The following AIRE variants were observed in gnomAD, a reference collection of about 807,000 sequenced individuals.
AIRE encodes autoimmune regulator.
Under a neutral mutation model 62.1 loss-of-function variants are expected in AIRE, and 52 were observed. The observed-to-expected ratio is 0.84, with a 90% CI of 0.67 to 1.06. The LOEUF (loss-of-function observed/expected upper bound fraction) is 1.06. Among genes scored for constraint, AIRE ranks in the 50% least tolerant of loss-of-function variants. The pLI is 0.00. For synonymous variants in AIRE, 342 were observed against 321.6 expected (o/e 1.06, Z -0.68); for missense variants, 774 against 755.8 (o/e 1.02, Z -0.28).
chr21:44,292,337 C>T lies in AIRE; in HGVS notation c.1031C>T (p.Thr344Ile), dbSNP rs929430876. 9 of 1,577,850 alleles carry T rather than the reference C, an allele frequency of 5.7e-6. No homozygotes were observed. In the Admixed American group the frequency reaches 1.3e-4, roughly 22 times the overall value. Residue 344 changes from threonine (T) to isoleucine (I), a missense_variant, in exon 9 of 14, where the codon ACA (threonine) becomes ATA (isoleucine). Thr to Ile is a moderately conservative substitution (Grantham distance 89, BLOSUM62 -1). Around this residue, in one of 3 missense-constraint regions of AIRE, gnomAD observed 354 missense variants for 296.1 expected, o/e 1.20. Coordinates refer to ENST00000291582, the MANE Select transcript of AIRE (RefSeq NM_000383.4). The part of the protein sequence containing the change: ...TWRCSSCLQA[T>I]VQEVQPRAEE... ...AGGTGCTCCAGCTGCCTGCAGGCAA[C>T]AGTCCAGGAGGTGCAGCCCCGGGCA...
Position 44,297,888 on chromosome 21 carries a change from A to G in AIRE, c.*161A>G. ...CTCTGTGTTTCTGGGGACACCAGCCATCATGTGCCTGGAAATTAAACCCTG... is the reference window on the plus strand; with the variant it reads ...CTCTGTGTTTCTGGGGACACCAGCCGTCATGTGCCTGGAAATTAAACCCTG... On this transcript the variant is annotated 3_prime_UTR_variant, in exon 14 of 14. Transcript: ENST00000291582. The surrounding 1 kb of genome is among the most constrained non-coding windows in gnomAD (Gnocchi z 4.8). 1.4e-6 allele frequency: 1 copy of G among 706,634 alleles called. No homozygotes were observed. Among genetic ancestry groups the G allele is most frequent in the Non-Finnish European group, 2.5e-6 (1 of 403,038 alleles). 43.8% of individuals were successfully genotyped at this position (706,634 alleles called of 1,614,324 possible). A position where few individuals can be genotyped will look rare whatever the true frequency, so the allele number is the denominator to read the frequency against.
rs945152425 is a variant in AIRE, at chr21:44,287,854, C to T, written c.538+263C>T. ...CTCAGGCACCTTCTCTGCCCGTCCA[C>T]TCCCTATCCTTCAGGACCAGCCTAG... On this transcript the variant is annotated intron_variant, in intron 4 of 13. Coordinates refer to ENST00000291582, the MANE Select transcript of AIRE (RefSeq NM_000383.4). This position sits in a 1 kb window ranked among gnomAD's most constrained non-coding sequence, Gnocchi z 4.3. Among the ~76,000 whole-genome samples, 19 of 152,160 alleles carry T rather than the reference C, an allele frequency of 1.2e-4. No homozygotes were observed. Among genetic ancestry groups the T allele is most frequent in the African/African-American group, 1.2e-4 (5 of 41,436 alleles).
chr21:44,292,887 G>A, intron 9 of AIRE, 106 bp from the exon 10 acceptor site: 1 of 1,036,020 alleles, frequency 9.7e-7, no homozygotes, highest in Non-Finnish European at 1.5e-6. Flanking sequence ...CCAGGCCTCT[G>A]CCCCCACCCT....
rs2040492026 is a variant in AIRE, at chr21:44,287,257, TG to T, written c.463+129del. The T allele has an allele frequency of 8.2e-7, 1 of 1,225,942 alleles. No homozygotes were observed. Among genetic ancestry groups the T allele is most frequent in the Non-Finnish European group, 1.1e-6 (1 of 870,938 alleles). 75.9% of individuals were successfully genotyped at this position (1,225,942 alleles called of 1,614,324 possible). On this transcript the variant is annotated intron_variant, in intron 3 of 13. Coordinates refer to ENST00000291582, the MANE Select transcript of AIRE (RefSeq NM_000383.4). This position sits in a 1 kb window ranked among gnomAD's most constrained non-coding sequence, Gnocchi z 4.3. ...TGTGGGGCCAGCCTGCCTGGGGCTG[TG>T]GGGGTCTCCTCTGGGTACTAGACCC... is the stretch of plus-strand genomic sequence containing the variant.
At chr21:44,292,486 C>T (rs899664088) in intron 9 of AIRE, 85 bp downstream of exon 9, 1 of 917,410 alleles carries the variant, frequency 1.1e-6, no homozygotes, top group African/African-American at 1.6e-5. Context: ...CCCCTCCTGT[C>T]CGTCTGTCCC....
chr21:44,287,345 A>C lies in AIRE; in HGVS notation c.464-172A>C, dbSNP rs888920898. 1.2e-4 allele frequency: 84 copies of C among 723,998 alleles called. No homozygotes were observed. Among genetic ancestry groups the C allele is most frequent in the Non-Finnish European group, 1.8e-4 (79 of 431,338 alleles). The allele number at this position is 723,998 out of a possible 1,614,324, so 44.8% of individuals were successfully genotyped here. On this transcript the variant is annotated intron_variant, in intron 3 of 13. Transcript: ENST00000291582. This position sits in a 1 kb window ranked among gnomAD's most constrained non-coding sequence, Gnocchi z 4.3. Reference sequence around the variant, plus strand: ...AAGGCTGAGCTCCCCGGAGCTGGTGAAGTAGGCGGGCGGGTCTCATTTCCC... The same window carrying C: ...AAGGCTGAGCTCCCCGGAGCTGGTGCAGTAGGCGGGCGGGTCTCATTTCCC...
chr21:44,293,252 A>C, intron 10 of AIRE, 77 bp downstream of exon 10: 1 of 1,217,780 alleles, frequency 8.2e-7, no homozygotes, highest in Middle Eastern at 3.4e-4. Context: ...CACCTGAAAC[A>C]GGAGGAGAGG....
rs179363876 is a variant in AIRE at position 44,286,050 on chromosome 21, G to T, written c.44G>T (p.Arg15Leu). The T allele has an allele frequency of 5.8e-6, 9 of 1,540,070 alleles. No homozygotes were observed. Among genetic ancestry groups the T allele is most frequent in the Non-Finnish European group, 6.1e-6 (7 of 1,145,788 alleles). Reference sequence around the variant, plus strand: ...CTACGCCGGCTTCTGAGGCTGCACCGCACGGAGATCGCGGTGGCCGTGGAC... The same window carrying T: ...CTACGCCGGCTTCTGAGGCTGCACCTCACGGAGATCGCGGTGGCCGTGGAC... The part of the protein sequence containing the change: ...AALRRLLRLH[R>L]TEIAVAVDSA... Residue 15 changes from arginine to leucine, a missense_variant, in exon 1 of 14, where the codon CGC becomes CTC. This residue lies in a region of AIRE where 385 missense variants were observed against 396.0 expected (regional missense o/e 0.97). Transcript: ENST00000291582. The surrounding 1 kb of genome is among the most constrained non-coding windows in gnomAD (Gnocchi z 6.0).
At chr21:44,294,136 C>A (rs1230313390) in intron 11 of AIRE, among the ~76,000 whole-genome samples, 34 of 141,626 alleles carry the variant, frequency 2.4e-4, no homozygotes, top group African/African-American at 8.8e-4. Context: ...CCACCTCATA[C>A]CCTGCACCTC....
At chr21:44,295,612 A>G (rs971878895) in intron 12 of AIRE, among the ~76,000 whole-genome samples, 1 of 151,630 alleles carries the variant, frequency 6.6e-6, no homozygotes, top group Non-Finnish European at 1.5e-5. Flanking sequence ...AACAGCAGAG[A>G]CCTCTTTCTT....
rs1048037213 is a variant in AIRE, at chr21:44,298,425, C to T, written c.*698C>T. ...TGTCTTATTTTACTCAGCATGGTGG[C>T]CCCAAGGTTCATCCATGTTGTAGCA... On this transcript the variant is annotated 3_prime_UTR_variant, in exon 14 of 14. Coordinates refer to ENST00000291582, the MANE Select transcript of AIRE (RefSeq NM_000383.4). The T allele has an allele frequency of 1.3e-5, 2 of 154,290 alleles. No homozygotes were observed. Among genetic ancestry groups the T allele is most frequent in the African/African-American group, 4.8e-5 (2 of 41,446 alleles). 9.6% of individuals were successfully genotyped at this position (154,290 alleles called of 1,614,324 possible). A position where few individuals can be genotyped will look rare whatever the true frequency, so the allele number is the denominator to read the frequency against.
rs7281600 is a variant in AIRE, at chr21:44,294,404, G to A, written c.1404G>A (p.Thr468=). 2,814 of 1,569,294 alleles carry A rather than the reference G, an allele frequency of 1.8e-3. 24 individuals are homozygous for A. The highest frequency in any genetic ancestry group is 0.017 in the African/African-American group (1,289 of 74,178). The change falls in exon 12 of 14, where the codon ACG becomes ACA. Residue 468 remains threonine (T), a synonymous_variant. Transcript: ENST00000291582. ...HFPAGTSRPG[T]GLRCRSCSGD... ...AGCCCCTCATCCTCTGCTGCAGGAC[G>A]GGCCTGCGCTGCAGATCCTGCTCAG...
Position 44,292,586 on chromosome 21 carries a change from C to T in AIRE, c.1095+185C>T, listed in dbSNP as rs150627569. On this transcript the variant is annotated intron_variant, in intron 9 of 13. Coordinates refer to ENST00000291582, the MANE Select transcript of AIRE (RefSeq NM_000383.4). ...CCTTGTGGTCTCCTGCAGTGGAGTCCCCATCATGGTTCCTGTGGGCCTAAA... is the reference window on the plus strand; with the variant it reads ...CCTTGTGGTCTCCTGCAGTGGAGTCTCCATCATGGTTCCTGTGGGCCTAAA... 2.1e-3 allele frequency among the ~76,000 whole-genome samples: 317 copies of T among 152,264 alleles called. 1 individual carries two copies. The highest frequency in any genetic ancestry group is 7.3e-3 in the African/African-American group (302 of 41,560).
At position 44,287,238 on chromosome 21, in the gene AIRE, G is replaced by A. The variant is rs941659310; in HGVS notation, c.463+105G>A. 3.0e-5 allele frequency: 42 copies of A among 1,406,522 alleles called. No individual in the cohort carries two copies. The African/African-American group carries it at 5.9e-4, about 20-fold the overall frequency. The allele number at this position is 1,406,522 out of a possible 1,614,324, so 87.1% of individuals were successfully genotyped here. On this transcript the variant is annotated intron_variant, in intron 3 of 13. Transcript: ENST00000291582. The surrounding 1 kb of genome is among the most constrained non-coding windows in gnomAD (Gnocchi z 4.3). ...CGGGCTCCCACCCACTGGGTGTGGGGCCAGCCTGCCTGGGGCTGTGGGGGT... is the reference window on the plus strand; with the variant it reads ...CGGGCTCCCACCCACTGGGTGTGGGACCAGCCTGCCTGGGGCTGTGGGGGT...
rs41296229 is a variant in AIRE at position 44,294,637 on chromosome 21, T to C, written c.1503+134T>C. ...GGGCTTGCACCAGACGCACTGACCA[T>C]GTGCTCATTATCTGTAGAAAATATT... is the stretch of plus-strand genomic sequence containing the variant. On this transcript the variant is annotated intron_variant, in intron 12 of 13. Coordinates refer to ENST00000291582, the MANE Select transcript of AIRE (RefSeq NM_000383.4). The C allele has an allele frequency of 0.073, 33,118 of 454,612 alleles. 1,363 individuals carry two copies. The highest frequency in any genetic ancestry group is 0.11 in the South Asian group (2,299 of 20,770). 28.2% of individuals were successfully genotyped at this position (454,612 alleles called of 1,614,324 possible).
intron 5 of AIRE, 147 bp from the exon 6 acceptor site, chr21:44,289,510 G>GC: frequency 9.8e-7 from 1 of 1,024,682 alleles, no homozygotes; most frequent in South Asian, 2.2e-5. Context: ...CCGGGCCCCA[G>GC]ACTCGACTGG....
Position 44,293,454 on chromosome 21 carries a change from G to A in AIRE, c.1278+279G>A, listed in dbSNP as rs11908988. Reference sequence around the variant, plus strand: ...CACACGTGGGAGCCCTCCCCTCCCTGCCTCAATTCCCTTCCCTGCACCCCT... The same window carrying A: ...CACACGTGGGAGCCCTCCCCTCCCTACCTCAATTCCCTTCCCTGCACCCCT... On this transcript the variant is annotated intron_variant, in intron 10 of 13. Coordinates refer to ENST00000291582, the MANE Select transcript of AIRE (RefSeq NM_000383.4). Among the ~76,000 whole-genome samples, 3,217 of 152,152 alleles carry A rather than the reference G, an allele frequency of 0.021. 114 individuals are homozygous for A. The highest frequency in any genetic ancestry group is 0.073 in the African/African-American group (3,018 of 41,496).
intron 5 of AIRE, chr21:44,288,666 C>A: frequency 1.8e-6 from 1 of 564,186 alleles, no homozygotes; most frequent in South Asian, 2.1e-5. Flanking sequence ...GCAAGGCCAG[C>A]GGTCCAGGCC....
rs2040584974 is a variant in AIRE at position 44,294,463 on chromosome 21, T to C, written c.1463T>C (p.Leu488Pro). The C allele has an allele frequency of 6.4e-7, 1 of 1,563,372 alleles. No homozygotes were observed. Among genetic ancestry groups the C allele is most frequent in the East Asian group, 2.3e-5 (1 of 43,098 alleles). The change falls in exon 12 of 14, where the codon CTG (leucine) becomes CCG (proline). Residue 488 changes from leucine to proline, a missense_variant. Physicochemically the swap from Leu to Pro is moderately conservative, Grantham distance 98 (BLOSUM62 -3). This residue lies in a region of AIRE where 354 missense variants were observed against 296.1 expected (regional missense o/e 1.20). Coordinates refer to ENST00000291582, the MANE Select transcript of AIRE (RefSeq NM_000383.4). ...DVTPAPVEGVLAPSPARLAPG... is the reference protein window; with the variant it reads ...DVTPAPVEGVPAPSPARLAPG... The stretch of plus-strand genomic sequence containing the variant: ...ACCCCAGCCCCTGTGGAGGGGGTGC[T>C]GGCCCCCAGCCCCGCCCGCCTGGCC...
Sources: gnomAD v4.1 joint callset for allele counts (sites outside exome capture counted in the v4.1 genomes callset) on GRCh38, gnomAD v4.1.1 for gene constraint, gnomAD v4.1.1 regional missense constraint, Gnocchi (gnomAD v3.1) non-coding constraint, MANE v1.5 for transcripts, NCBI Gene and HGNC (gene_info 2026-07-23, HGNC 2026-07-21) for gene names.